NUP93: variants seen among roughly 807,000 people sequenced by gnomAD.
The protein encoded by NUP93 is nuclear pore complex protein Nup93.
NUP93 carries 55 observed loss-of-function variants against 107.8 expected under a neutral mutation model. That is an observed-to-expected ratio of 0.51 (90% CI 0.41 to 0.64). NUP93 has a LOEUF of 0.64. NUP93 is among the 30% of genes least tolerant of loss of function. NUP93 has a pLI of 0.00. For missense variants in NUP93, 937 were observed against 1,044.7 expected (o/e 0.90, Z 1.42); for synonymous variants, 390 against 397.5 (o/e 0.98, Z 0.22).
intron 3 of NUP93, among the ~76,000 whole-genome samples, chr16:56,772,803 T>C (rs1247014646): frequency 1.3e-5 from 2 of 152,272 alleles, no homozygotes; most frequent in Non-Finnish European, 2.9e-5. Flanking sequence ...AAGCCTCTGC[T>C]AATTTTCTAC....
At chr16:56,812,492 C>G (rs190600882) in intron 5 of NUP93, among the ~76,000 whole-genome samples, 157 of 152,124 alleles carry the variant, frequency 1.0e-3, no homozygotes, top group African/African-American at 3.6e-3. Flanking sequence ...TACAGGCGCC[C>G]GCAACCACGC....
Position 56,832,303 on chromosome 16 carries a change from A to C in NUP93, c.1260A>C (p.Gln420His). ...TTCTCTTGGGGATTTAGTTGAACCA[A>C]GTGTGTTTTGACGACGATGGCACCA... ...TEDYLWLKLN[Q>H]VCFDDDGTSS... is the part of the protein sequence containing the mutation. Residue 420 changes from glutamine to histidine, a missense_variant, in exon 12 of 22, where the codon CAA becomes CAC. Physicochemically the swap from Gln to His is conservative, Grantham distance 24. Coordinates refer to ENST00000308159, the MANE Select transcript of NUP93 (RefSeq NM_014669.5). 1 of 1,613,958 alleles carries C rather than the reference A, an allele frequency of 6.2e-7. No individual in the cohort carries two copies.
At chr16:56,809,050 A>C (rs1382428705) in intron 5 of NUP93, among the ~76,000 whole-genome samples, 4 of 152,090 alleles carry the variant, frequency 2.6e-5, no homozygotes, top group Non-Finnish European at 5.9e-5. Flanking sequence ...AGCTTACTGA[A>C]TGCTCTGTTC....
At chr16:56,822,079 A>T in intron 7 of NUP93, among the ~76,000 whole-genome samples, 1 of 130,408 alleles carries the variant, frequency 7.7e-6, no homozygotes, top group Admixed American at 8.6e-5. Flanking sequence ...ATTCCTGGCC[A>T]GTTTTCTCCC....
At chr16:56,838,559 A>G (rs1367519919) in intron 18 of NUP93, among the ~76,000 whole-genome samples, 1 of 152,168 alleles carries the variant, frequency 6.6e-6, no homozygotes, top group Non-Finnish European at 1.5e-5. Flanking sequence ...GATGCTTTTT[A>G]TACATTTTTT....
At position 56,818,779 on chromosome 16, in the gene NUP93, T is replaced by C. The variant is rs748283782; in HGVS notation, c.564+41T>C. 6 of 1,549,242 alleles carry C rather than the reference T, an allele frequency of 3.9e-6. No homozygotes were observed. The African/African-American group carries it at 6.8e-5, about 18-fold the overall frequency. On this transcript the variant is annotated intron_variant, in intron 6 of 21. Transcript: ENST00000308159. ...AGGGGGATTAAGCCAGGAAAATCCT[T>C]TGTGAACCTCTAGGGAGTAAAAGGA... is the stretch of plus-strand genomic sequence containing the variant.
In NUP93 at chr16:56,823,232, G is replaced by A. The variant is rs945960485; in HGVS notation, c.655-475G>A. 4.6e-5 allele frequency among the ~76,000 whole-genome samples: 7 copies of A among 152,278 alleles called. No individual in the cohort carries two copies. In the South Asian group the frequency reaches 1.0e-3, roughly 23 times the overall value. ...ACGTAAGAGCGGTGGCCCCTGGAGC[G>A]TCTCTGGGAGGACAAAAACCTGTAT... On this transcript the variant is annotated intron_variant, in intron 7 of 21. Transcript: ENST00000308159.
At chr16:56,790,469 G>A (rs1211375528) in intron 3 of NUP93, among the ~76,000 whole-genome samples, 6 of 152,164 alleles carry the variant, frequency 3.9e-5, no homozygotes, top group Non-Finnish European at 7.3e-5. Context: ...AATGAAAAGC[G>A]AGTCCACACC....
In NUP93 at chr16:56,834,353, GT is replaced by G. The variant is rs776850092; in HGVS notation, c.1665-14del. ...TCATGTCCAGACTGGAAACTGAGTTGTTTATTTCCCTTACAGGGATGAGAAA... is the reference window on the plus strand; with the variant it reads ...TCATGTCCAGACTGGAAACTGAGTTGTTATTTCCCTTACAGGGATGAGAAA... On this transcript the variant is annotated splice_polypyrimidine_tract_variant and intron_variant, in intron 14 of 21. Coordinates refer to ENST00000308159, the MANE Select transcript of NUP93 (RefSeq NM_014669.5). 3.7e-6 allele frequency: 6 copies of G among 1,613,984 alleles called. No homozygotes were observed. Among genetic ancestry groups the G allele is most frequent in the African/African-American group, 2.7e-5 (2 of 74,918 alleles).
At chr16:56,750,536 T>C (rs1486003237) in intron 2 of NUP93, among the ~76,000 whole-genome samples, 1 of 152,232 alleles carries the variant, frequency 6.6e-6, no homozygotes. Context: ...TTTGATAGCT[T>C]TTTTTACGTG....
intron 3 of NUP93, among the ~76,000 whole-genome samples, chr16:56,764,143 T>C (rs1224604056): frequency 6.6e-6 from 1 of 152,238 alleles, no homozygotes; most frequent in Non-Finnish European, 1.5e-5. Context: ...TCAAACCACT[T>C]TTAGTTTGTC....
In NUP93 at chr16:56,839,503, G is replaced by A. The variant is rs376379631; in HGVS notation, c.2137-18G>A. ...TGTGATGGTTGTGTTACATGGGGCC[G>A]GTGGTTGTTTTAAACAGATCATTGA... On this transcript the variant is annotated intron_variant, in intron 19 of 21. Transcript: ENST00000308159. The A allele has an allele frequency of 1.9e-4, 303 of 1,592,030 alleles. 1 individual carries two copies. The highest frequency in any genetic ancestry group is 2.1e-4 in the Non-Finnish European group (241 of 1,168,500).
At position 56,846,779 on chromosome 16, in the gene NUP93, T is replaced by C. The variant is rs1430722374; in HGVS notation, c.*2170T>C. On this transcript the variant is annotated 3_prime_UTR_variant, in exon 22 of 22. Coordinates refer to ENST00000308159, the MANE Select transcript of NUP93 (RefSeq NM_014669.5). ...ACTTAGTGCTTTGTTTTTCTAATAC[T>C]AGATTTTACTTGCAGATAGAAATAT... 1 of 152,194 alleles carries C rather than the reference T, an allele frequency of 6.6e-6. No individual in the cohort carries two copies. The highest frequency in any genetic ancestry group is 2.4e-5 in the African/African-American group (1 of 41,436). The allele number at this position is 152,194 out of a possible 1,614,324, so 9.4% of individuals were successfully genotyped here.
chr16:56,760,792 T>C (rs1275420102), intron 3 of NUP93, among the ~76,000 whole-genome samples: 1 of 152,000 alleles, frequency 6.6e-6, no homozygotes, highest in Non-Finnish European at 1.5e-5. Flanking sequence ...TCTACAAAGA[T>C]AAAAAATGAT....
intron 4 of NUP93, 161 bp from the exon 5 acceptor site, chr16:56,805,343 C>T (rs1263646647): frequency 1.3e-6 from 1 of 742,524 alleles, no homozygotes; most frequent in Admixed American, 3.0e-5. Flanking sequence ...CCACCACGCT[C>T]AGCCAGTAAA....
Position 56,812,436 on chromosome 16 carries a change from C to T in NUP93, c.490-6228C>T, listed in dbSNP as rs367974554. ...TTGGGTCACTGCAAGCTCCGCCTCCCGGGTTCGTGCCATTCTCCTGCCTCA... is the reference window on the plus strand; with the variant it reads ...TTGGGTCACTGCAAGCTCCGCCTCCTGGGTTCGTGCCATTCTCCTGCCTCA... On this transcript the variant is annotated intron_variant, in intron 5 of 21. Transcript: ENST00000308159. 9.9e-5 allele frequency among the ~76,000 whole-genome samples: 15 copies of T among 152,124 alleles called. No individual in the cohort carries two copies. The East Asian group carries it at 1.5e-3, about 16-fold the overall frequency.
At chr16:56,766,127 T>C (rs1567380545) in intron 3 of NUP93, among the ~76,000 whole-genome samples, 1 of 152,246 alleles carries the variant, frequency 6.6e-6, no homozygotes, top group South Asian at 2.1e-4. Context: ...AAATGGATGC[T>C]GAATGCATTC....
At chr16:56,748,092 A>G (rs943938081) in intron 1 of NUP93, 142 bp from the exon 2 acceptor site, 4 of 558,706 alleles carry the variant, frequency 7.2e-6, no homozygotes, top group Non-Finnish European at 1.3e-5. Flanking sequence ...ATGTTCAGGA[A>G]CAAATCCTGC....
At chr16:56,750,543 C>T (rs544857116) in intron 2 of NUP93, among the ~76,000 whole-genome samples, 3 of 152,184 alleles carry the variant, frequency 2.0e-5, no homozygotes, top group East Asian at 3.9e-4. Context: ...GCTTTTTTTA[C>T]GTGTGTGGTT....
Sources: gnomAD v4.1 joint callset for allele counts (sites outside exome capture counted in the v4.1 genomes callset) on GRCh38, gnomAD v4.1.1 for gene constraint, MANE v1.5 for transcripts, NCBI Gene and HGNC (gene_info 2026-07-23, HGNC 2026-07-21) for gene names.